Variants in ZNF609 observed in about 807,000 individuals in gnomAD.
ZNF609 encodes zinc finger protein 609.
Under a neutral mutation model 109.5 loss-of-function variants are expected in ZNF609, and 11 were observed. The observed-to-expected ratio is 0.10, with a 90% CI of 0.06 to 0.17. The LOEUF (loss-of-function observed/expected upper bound fraction) is 0.17, where lower values mean the gene tolerates loss of function less well. Among genes scored for constraint, ZNF609 ranks in the 10% least tolerant of loss-of-function variants. The probability of loss-of-function intolerance (pLI) is 1.00; values close to 1 mark genes in which losing one functional copy is unlikely to be tolerated. For missense variants in ZNF609, 1,559 were observed against 1,772.4 expected (o/e 0.88, Z 2.16); for synonymous variants, 646 against 662.0 (o/e 0.98, Z 0.37).
In ZNF609 at chr15:64,627,756, C is replaced by G. The variant is rs1474710691; in HGVS notation, c.973+4704C>G. 3.0e-5 allele frequency among the ~76,000 whole-genome samples: 4 copies of G among 134,830 alleles called. No homozygotes were observed. The East Asian group carries it at 7.4e-4, about 25-fold the overall frequency. The allele number at this position is 134,830 out of a possible 152,430, so 88.5% of individuals were successfully genotyped here. On this transcript the variant is annotated intron_variant, in intron 3 of 9. Transcript: ENST00000326648. The stretch of plus-strand genomic sequence containing the variant: ...CATCATCTCTCACTGCAGCCTCAAA[C>G]TCTTGAGCTAAAGTGATCCTCCTGC...
intron 2 of ZNF609, among the ~76,000 whole-genome samples, chr15:64,580,043 C>T (rs1458436094): frequency 6.6e-6 from 1 of 152,142 alleles, no homozygotes; most frequent in East Asian, 1.9e-4. Flanking sequence ...GGGGGATTAG[C>T]TTAGATTATC....
At chr15:64,566,233 G>T (rs1320617387) in intron 2 of ZNF609, among the ~76,000 whole-genome samples, 2 of 152,196 alleles carry the variant, frequency 1.3e-5, no homozygotes, top group African/African-American at 4.8e-5. Flanking sequence ...GGGAGACTGA[G>T]GCAGGAGGAT....
chr15:64,607,142 A>T (rs118175183), intron 2 of ZNF609, among the ~76,000 whole-genome samples: 7,296 of 149,038 alleles, frequency 0.049, 230 homozygotes, highest in South Asian at 0.087. Flanking sequence ...GACACTCCAT[A>T]AAAAAAATAA....
chr15:64,563,042 G>T (rs1245367276), intron 2 of ZNF609, among the ~76,000 whole-genome samples: 1 of 152,082 alleles, frequency 6.6e-6, no homozygotes, highest in Non-Finnish European at 1.5e-5. Flanking sequence ...TACTTGGGAG[G>T]CTGAAGTGGA....
rs556269261 is a variant in ZNF609 at position 64,634,073 on chromosome 15, T to G, written c.973+11021T>G. ...AAATATATATACACAGACATGCATA[T>G]ATATATGTGTGTGTGTGTGTCTGTG... On this transcript the variant is annotated intron_variant, in intron 3 of 9. Coordinates refer to ENST00000326648, the MANE Select transcript of ZNF609 (RefSeq NM_015042.2). 1.2e-4 allele frequency among the ~76,000 whole-genome samples: 18 copies of G among 152,038 alleles called. No homozygotes were observed. The South Asian group carries it at 3.7e-3, about 32-fold the overall frequency.
At chr15:64,554,746 C>T (rs993857285) in intron 2 of ZNF609, among the ~76,000 whole-genome samples, 3 of 152,214 alleles carry the variant, frequency 2.0e-5, no homozygotes, top group African/African-American at 7.2e-5. Flanking sequence ...ATAAACCTCA[C>T]TTGATCATGA....
At chr15:64,518,028 C>A (rs369802835) in intron 2 of ZNF609, among the ~76,000 whole-genome samples, 1 of 152,130 alleles carries the variant, frequency 6.6e-6, no homozygotes, top group Non-Finnish European at 1.5e-5. Flanking sequence ...GTGATCCACC[C>A]GCCATGGCCT....
intron 2 of ZNF609, among the ~76,000 whole-genome samples, chr15:64,585,613 T>A (rs767735738): frequency 2.0e-5 from 3 of 152,218 alleles, no homozygotes; most frequent in Non-Finnish European, 2.9e-5. Context: ...TTTCATCTCT[T>A]AATCTCTAGA....
At chr15:64,560,078 GCT>G (rs1894651860) in intron 2 of ZNF609, among the ~76,000 whole-genome samples, 1 of 151,724 alleles carries the variant, frequency 6.6e-6, no homozygotes, top group Non-Finnish European at 1.5e-5. Flanking sequence ...ACTGAGTCTC[GCT>G]CTGTCACCAC....
At chr15:64,526,401 C>G (rs1893968139) in intron 2 of ZNF609, among the ~76,000 whole-genome samples, 1 of 152,046 alleles carries the variant, frequency 6.6e-6, no homozygotes, top group Admixed American at 6.6e-5. Flanking sequence ...AAATTGAGAT[C>G]CTTTTACTTC....
chr15:64,628,584 A>G (rs1896012432), intron 3 of ZNF609, among the ~76,000 whole-genome samples: 2 of 152,070 alleles, frequency 1.3e-5, no homozygotes, highest in Non-Finnish European at 2.9e-5. Flanking sequence ...GGTTGCAATG[A>G]GCCAGGATGT....
intron 2 of ZNF609, chr15:64,500,765 G>GTACT: frequency 3.9e-6 from 1 of 259,646 alleles, no homozygotes; most frequent in South Asian, 6.3e-5. Context: ...ATGAGTTATT[G>GTACT]TTGTGGTTAT....
At chr15:64,563,100 G>A (rs1426110687) in intron 2 of ZNF609, among the ~76,000 whole-genome samples, 3 of 151,188 alleles carry the variant, frequency 2.0e-5, no homozygotes, top group Admixed American at 6.6e-5. Context: ...CCATGATCAC[G>A]CCACTGCACT....
At chr15:64,551,206 C>G (rs1894464485) in intron 2 of ZNF609, among the ~76,000 whole-genome samples, 1 of 152,172 alleles carries the variant, frequency 6.6e-6, no homozygotes, top group Non-Finnish European at 1.5e-5. Flanking sequence ...TAGGCATGCA[C>G]TCTGCCCAGC....
chr15:64,680,950 C>T (rs1770868783), intron 8 of ZNF609, 88 bp downstream of exon 8: 4 of 1,416,600 alleles, frequency 2.8e-6, no homozygotes, highest in Non-Finnish European at 3.8e-6. Context: ...AGCTAGGACC[C>T]TCCTACCTGC....
Position 64,598,772 on chromosome 15 carries a change from A to G in ZNF609, c.748-24055A>G, listed in dbSNP as rs1199599834. Among the ~76,000 whole-genome samples the G allele has an allele frequency of 9.4e-5, 12 of 127,452 alleles. No individual in the cohort carries two copies. The South Asian group carries it at 1.1e-3, about 11-fold the overall frequency. The allele number at this position is 127,452 out of a possible 152,430, so 83.6% of individuals were successfully genotyped here. A position where few individuals can be genotyped will look rare whatever the true frequency, so the allele number is the denominator to read the frequency against. ...TATATATATATATATATATATATAT[A>G]TATATATATATATATCCTGTTATCT... On this transcript the variant is annotated intron_variant, in intron 2 of 9. Transcript: ENST00000326648.
At chr15:64,591,319 T>C (rs1186610443) in intron 2 of ZNF609, among the ~76,000 whole-genome samples, 2 of 152,098 alleles carry the variant, frequency 1.3e-5, no homozygotes, top group African/African-American at 4.8e-5. Flanking sequence ...TCCCAGCTAC[T>C]CAGGAGGCTG....
At chr15:64,532,932 C>T (rs1420380427) in intron 2 of ZNF609, among the ~76,000 whole-genome samples, 1 of 152,164 alleles carries the variant, frequency 6.6e-6, no homozygotes, top group Admixed American at 6.5e-5. Flanking sequence ...CTCCACTATT[C>T]CTGGAGCACC....
intron 2 of ZNF609, among the ~76,000 whole-genome samples, chr15:64,523,547 G>A (rs550239145): frequency 3.3e-5 from 5 of 152,030 alleles, no homozygotes; most frequent in East Asian, 1.9e-4. Context: ...AGGCTGAGGC[G>A]GGAGGATCAG....
Sources: gnomAD v4.1 joint callset for allele counts (sites outside exome capture counted in the v4.1 genomes callset) on GRCh38, gnomAD v4.1.1 for gene constraint, MANE v1.5 for transcripts, NCBI Gene and HGNC (gene_info 2026-07-23, HGNC 2026-07-21) for gene names.